Variants in MYOCD observed in about 807,000 individuals in gnomAD.
MYOCD encodes myocardin.
Under a neutral mutation model 96.1 loss-of-function variants are expected in MYOCD, and 32 were observed. The ratio of observed to expected loss-of-function variants is 0.33; its 90% CI spans 0.25 to 0.45. MYOCD has a LOEUF of 0.45. Among genes scored for constraint, MYOCD ranks in the 20% least tolerant of loss-of-function variants. The probability of loss-of-function intolerance (pLI) is 1.00; values close to 1 mark genes in which losing one functional copy is unlikely to be tolerated. For synonymous variants in MYOCD, 469 were observed against 469.0 expected (o/e 1.00, Z 0.00); for missense variants, 1,133 against 1,200.6 (o/e 0.94, Z 0.83).
rs28730828 is a variant in MYOCD, at chr17:12,760,524, C to T, written c.2332-126C>T. 3,481 of 736,326 alleles carry T rather than the reference C, an allele frequency of 4.7e-3. 84 individuals carry two copies. In the African/African-American group the frequency reaches 0.053, roughly 11 times the overall value. The allele number at this position is 736,326 out of a possible 1,614,324, so 45.6% of individuals were successfully genotyped here. On this transcript the variant is annotated intron_variant, in intron 12 of 13. Transcript: ENST00000425538. ...AAATTTAAAGTTATGTGTATTTTGC[C>T]ACAATTGGAAAAAAAAATACCTTGA...
At chr17:12,756,242 G>C (rs1055505825) in intron 10 of MYOCD, among the ~76,000 whole-genome samples, 172 bp from the exon 11 acceptor site, 1 of 152,206 alleles carries the variant, frequency 6.6e-6, no homozygotes, top group Non-Finnish European at 1.5e-5. Context: ...TTTCTGAGCA[G>C]TAGGTGATGT....
In MYOCD at chr17:12,687,703, G is replaced by A. The variant is rs1019686987; in HGVS notation, c.56-17425G>A. Among the ~76,000 whole-genome samples, 20 of 151,966 alleles carry A rather than the reference G, an allele frequency of 1.3e-4. 1 individual carries two copies. The highest frequency in any genetic ancestry group is 6.6e-4 in the Admixed American group (10 of 15,256). On this transcript the variant is annotated intron_variant, in intron 1 of 13. Coordinates refer to ENST00000425538, the MANE Select transcript of MYOCD (RefSeq NM_001146312.3). ...ATTCTGGTGTTCTTTTAGAAAATAC[G>A]ACCATTCTTTGGCGCTGAAGAGGTT...
At chr17:12,724,554 A>G (rs113802268) in intron 5 of MYOCD, among the ~76,000 whole-genome samples, 2,001 of 152,186 alleles carry the variant, frequency 0.013, 51 homozygotes, top group African/African-American at 0.046. Context: ...GCAGTTCCTA[A>G]TTAATCTATA....
At position 12,766,730 on chromosome 17, in the gene MYOCD, A is replaced by G. The variant is rs2033348956; in HGVS notation, c.*3086A>G. The G allele has an allele frequency of 2.6e-5, 4 of 152,228 alleles. No individual in the cohort carries two copies. Among genetic ancestry groups the G allele is most frequent in the African/African-American group, 7.2e-5 (3 of 41,476 alleles). The allele number at this position is 152,228 out of a possible 1,614,324, so 9.4% of individuals were successfully genotyped here. On this transcript the variant is annotated 3_prime_UTR_variant, in exon 14 of 14. Transcript: ENST00000425538. ...AGTTCCCTAATGCTCTTAGAACCTG[A>G]AGATGACCATGTGTAGTTTTCTTAA...
intron 4 of MYOCD, among the ~76,000 whole-genome samples, chr17:12,721,708 T>C (rs897912944): frequency 6.6e-6 from 1 of 152,158 alleles, no homozygotes; most frequent in African/African-American, 2.4e-5. Context: ...AAGCATCTTG[T>C]ACGGAGGCAC....
Position 12,744,354 on chromosome 17 carries a change from C to T in MYOCD, c.889C>T (p.Leu297=). The part of the protein sequence containing the change: ...ARLLQQQQLF[L]QLQILSQQQQ... ...GCTGCTCCAGCAACAGCAGCTGTTC[C>T]TGCAGCTCCAAATCCTCAGCCAGCA... Residue 297 remains leucine (L), a synonymous_variant, in exon 8 of 14, where the codon CTG becomes TTG. Coordinates refer to ENST00000425538, the MANE Select transcript of MYOCD (RefSeq NM_001146312.3). 1 of 1,614,224 alleles carries T rather than the reference C, an allele frequency of 6.2e-7. No individual in the cohort carries two copies. The highest frequency in any genetic ancestry group is 8.5e-7 in the Non-Finnish European group (1 of 1,180,048).
In MYOCD at chr17:12,745,856, T is replaced by G. The variant is rs1459892741; in HGVS notation, c.972-63T>G. ...CAGGCAATCACTTTGGGATCCGATC[T>G]AAATGCAAGTTATCCCACCAATATT... On this transcript the variant is annotated intron_variant, in intron 8 of 13. Transcript: ENST00000425538. The G allele has an allele frequency of 2.6e-6, 4 of 1,566,530 alleles. No individual in the cohort carries two copies. In the African/African-American group the frequency reaches 4.0e-5, roughly 16 times the overall value.
Position 12,765,154 on chromosome 17 carries a change from T to G in MYOCD, c.*1510T>G, listed in dbSNP as rs1016062953. ...GCATTCCTCATTACCTCTCGTGGCT[T>G]TGGCTGGGAGTTGGAAAAAGCTAAA... is the stretch of plus-strand genomic sequence containing the variant. On this transcript the variant is annotated 3_prime_UTR_variant, in exon 14 of 14. Coordinates refer to ENST00000425538, the MANE Select transcript of MYOCD (RefSeq NM_001146312.3). 1.3e-5 allele frequency: 2 copies of G among 152,132 alleles called. No homozygotes were observed. Among genetic ancestry groups the G allele is most frequent in the African/African-American group, 4.8e-5 (2 of 41,428 alleles). 9.4% of individuals were successfully genotyped at this position (152,132 alleles called of 1,614,324 possible). A position where few individuals can be genotyped will look rare whatever the true frequency, so the allele number is the denominator to read the frequency against.
In MYOCD at chr17:12,690,097, A is replaced by G. The variant is rs1357822298; in HGVS notation, c.56-15031A>G. On this transcript the variant is annotated intron_variant, in intron 1 of 13. Coordinates refer to ENST00000425538, the MANE Select transcript of MYOCD (RefSeq NM_001146312.3). Reference sequence around the variant, plus strand: ...ATTGAAAGGCAAACTAAAAAAACCAATGGAAATTCACAACATAGATGACTG... The same window carrying G: ...ATTGAAAGGCAAACTAAAAAAACCAGTGGAAATTCACAACATAGATGACTG... Among the ~76,000 whole-genome samples the G allele has an allele frequency of 1.3e-5, 2 of 152,192 alleles. 1 individual carries two copies. The highest frequency in any genetic ancestry group is 4.8e-5 in the African/African-American group (2 of 41,440).
rs1227029863 is a variant in MYOCD at position 12,763,382 on chromosome 17, A to G, written c.2699A>G (p.Asn900Ser). The G allele has an allele frequency of 1.9e-6, 3 of 1,602,138 alleles. No individual in the cohort carries two copies. The highest frequency in any genetic ancestry group is 4.5e-5 in the East Asian group (2 of 44,756). Reference sequence around the variant, plus strand: ...GGGAAGGCTGCAGAAGACCTCTTCAATGCACATGAGATCTTGCCAGGCCCC... The same window carrying G: ...GGGAAGGCTGCAGAAGACCTCTTCAGTGCACATGAGATCTTGCCAGGCCCC... ...FSGKAAEDLF[N>S]AHEILPGPLS... is the part of the protein sequence containing the mutation. The change falls in exon 14 of 14, where the codon AAT (asparagine) becomes AGT (serine). Residue 900 changes from asparagine to serine, a missense_variant. Physicochemically the swap from Asn to Ser is conservative, Grantham distance 46. Coordinates refer to ENST00000425538, the MANE Select transcript of MYOCD (RefSeq NM_001146312.3).
At chr17:12,719,039 G>A (rs1166203972) in intron 4 of MYOCD, among the ~76,000 whole-genome samples, 1 of 151,846 alleles carries the variant, frequency 6.6e-6, no homozygotes, top group Non-Finnish European at 1.5e-5. Flanking sequence ...GCCGGGTGTG[G>A]TGGTGGGCGC....
intron 1 of MYOCD, among the ~76,000 whole-genome samples, chr17:12,683,480 C>T (rs921331936): frequency 3.9e-5 from 6 of 152,036 alleles, no homozygotes; most frequent in Admixed American, 2.0e-4. Flanking sequence ...CTCTCTCTCC[C>T]GCTCCTTCTC....
rs776953493 is a variant in MYOCD, at chr17:12,763,176, T to C, written c.2493T>C (p.Ala831=). ...SPTAVLTKPS[A]SFEQASSGSQ... ...CTGCTGTCCTCACCAAGCCCTCGGC[T>C]TCCTTTGAACAAGCCTCTTCAGGCA... Residue 831 remains alanine (A), a synonymous_variant, in exon 14 of 14, where the codon GCT becomes GCC. Coordinates refer to ENST00000425538, the MANE Select transcript of MYOCD (RefSeq NM_001146312.3). The C allele has an allele frequency of 6.2e-7, 1 of 1,614,032 alleles. No individual in the cohort carries two copies. The highest frequency in any genetic ancestry group is 1.3e-5 in the African/African-American group (1 of 74,924).
chr17:12,696,400 A>G (rs1036528509), intron 1 of MYOCD, among the ~76,000 whole-genome samples: 4 of 152,128 alleles, frequency 2.6e-5, no homozygotes, highest in African/African-American at 9.7e-5. Flanking sequence ...GTATCTCTTC[A>G]TGTCCCTGCC....
intron 1 of MYOCD, among the ~76,000 whole-genome samples, chr17:12,689,596 C>T (rs576533481): frequency 1.3e-5 from 2 of 152,268 alleles, no homozygotes; most frequent in South Asian, 4.1e-4. Flanking sequence ...CTTTGGGAGG[C>T]CAAGGCAGGC....
rs1419083497 is a variant in MYOCD, at chr17:12,765,329, AGTT to A, written c.*1689_*1691del. The A allele has an allele frequency of 2.0e-5, 3 of 150,810 alleles. No individual in the cohort carries two copies. Among genetic ancestry groups the A allele is most frequent in the Non-Finnish European group, 3.0e-5 (2 of 67,624 alleles). 9.3% of individuals were successfully genotyped at this position (150,810 alleles called of 1,614,324 possible). ...TTATCTTTTGTAAAAAAAAAAAAAA[AGTT>A]GTTCACTGTGCACTTATAGAAAAAA... On this transcript the variant is annotated 3_prime_UTR_variant, in exon 14 of 14. Transcript: ENST00000425538.
intron 1 of MYOCD, among the ~76,000 whole-genome samples, chr17:12,674,168 G>A (rs1909876220): frequency 6.6e-6 from 1 of 152,108 alleles, no homozygotes; most frequent in African/African-American, 2.4e-5. Flanking sequence ...AGACAACTTG[G>A]AGGCCAGGTA....
chr17:12,700,399 A>ATTTTTTTTTTTTTTTTTTTTTTTTT (rs952565560), intron 1 of MYOCD, among the ~76,000 whole-genome samples: 1 of 76,892 alleles, frequency 1.3e-5, no homozygotes, highest in Non-Finnish European at 2.3e-5. Flanking sequence ...CAATGGGAGA[A>ATTTTTTTTTTTTTTTTTTTTTTTTT]TTTTTTTTTT....
At chr17:12,744,484 G>C (rs535245814) in intron 8 of MYOCD, 48 bp downstream of exon 8, 1 of 1,551,274 alleles carries the variant, frequency 6.4e-7, no homozygotes, top group Admixed American at 2.0e-5. Flanking sequence ...AGGTTGGGAA[G>C]GGTGTCTATT....
Sources: gnomAD v4.1 joint callset for allele counts (sites outside exome capture counted in the v4.1 genomes callset) on GRCh38, gnomAD v4.1.1 for gene constraint, MANE v1.5 for transcripts, NCBI Gene and HGNC (gene_info 2026-07-23, HGNC 2026-07-21) for gene names.